Variants in WWOX observed in about 807,000 individuals in gnomAD.
WWOX encodes the protein WW domain containing oxidoreductase.
In WWOX, 69 loss-of-function variants were observed where a neutral mutation model predicts 46.2. The observed-to-expected ratio is 1.49, with a 90% CI of 1.23 to 1.82. The LOEUF is 1.82. Among genes scored for constraint, WWOX ranks in the 40% most tolerant of loss-of-function variants. The pLI is 0.00. For synonymous variants in WWOX, 359 were observed against 202.6 expected (o/e 1.77, Z -6.56); for missense variants, 919 against 542.6 (o/e 1.69, Z -6.89).
intron 8 of WWOX, among the ~76,000 whole-genome samples, chr16:78,585,835 T>C (rs573291279): frequency 1.3e-4 from 20 of 151,996 alleles, no homozygotes; most frequent in Admixed American, 7.2e-4. Context: ...GGCCTTTATA[T>C]TAGAACTCAC....
chr16:78,711,941 A>G (rs2048452941), intron 8 of WWOX, among the ~76,000 whole-genome samples: 1 of 152,202 alleles, frequency 6.6e-6, no homozygotes, highest in Admixed American at 6.5e-5. Flanking sequence ...AGGAAAGAGC[A>G]TCTCTTTCAG....
At chr16:78,756,770 G>C (rs1304093917) in intron 8 of WWOX, among the ~76,000 whole-genome samples, 1 of 152,116 alleles carries the variant, frequency 6.6e-6, no homozygotes. Flanking sequence ...GTGGCCTCTG[G>C]TGATTCTCAG....
At chr16:78,262,282 A>G (rs957527822) in intron 5 of WWOX, among the ~76,000 whole-genome samples, 1 of 151,158 alleles carries the variant, frequency 6.6e-6, no homozygotes, top group Non-Finnish European at 1.5e-5. Flanking sequence ...TCTCTGTTAG[A>G]TAGAGAGCAT....
Position 78,144,519 on chromosome 16 carries a change from ATATATTT to A in WWOX, c.410-19662_410-19656del, listed in dbSNP as rs1348381059. 1.0e-2 allele frequency among the ~76,000 whole-genome samples: 346 copies of A among 34,660 alleles called. 20 individuals are homozygous for A. Among genetic ancestry groups the A allele is most frequent in the African/African-American group, 0.026 (244 of 9,370 alleles). The allele number at this position is 34,660 out of a possible 152,430, so 22.7% of individuals were successfully genotyped here. On this transcript the variant is annotated intron_variant, in intron 4 of 8. Transcript: ENST00000566780. ...CACACACATATATATATATATATAT[ATATATTT>A]TTTTTTTTTTTTGGAGATGGAGTTT...
intron 8 of WWOX, among the ~76,000 whole-genome samples, chr16:78,669,139 A>G (rs771818392): frequency 1.3e-5 from 2 of 152,130 alleles, no homozygotes; most frequent in Non-Finnish European, 2.9e-5. Context: ...CATCTCCACC[A>G]CAAGGAAGCT....
intron 6 of WWOX, among the ~76,000 whole-genome samples, chr16:78,422,693 A>C: frequency 9.3e-6 from 1 of 107,440 alleles, no homozygotes; most frequent in Non-Finnish European, 1.9e-5. Context: ...ATACACACAC[A>C]CACACACATA....
At chr16:78,449,988 TTTG>T (rs1161582623) in intron 8 of WWOX, among the ~76,000 whole-genome samples, 1 of 151,874 alleles carries the variant, frequency 6.6e-6, no homozygotes, top group Non-Finnish European at 1.5e-5. Context: ...AATCCTAGGA[TTTG>T]TTGTTGTTTT....
chr16:78,520,950 G>T (rs558910797), intron 8 of WWOX, among the ~76,000 whole-genome samples: 52 of 152,208 alleles, frequency 3.4e-4, no homozygotes, highest in Middle Eastern at 3.4e-3. Flanking sequence ...GGCGTGCTGG[G>T]GTCAGGGGTG....
chr16:79,184,691 A>G (rs2050978753), intron 8 of WWOX, among the ~76,000 whole-genome samples: 1 of 152,242 alleles, frequency 6.6e-6, no homozygotes, highest in South Asian at 2.1e-4. Context: ...TCTGACCCTG[A>G]GAATTTTCCA....
rs1220795115 is a variant in WWOX at position 78,413,672 on chromosome 16, T to A, written c.606-11198T>A. 1.3e-5 allele frequency among the ~76,000 whole-genome samples: 2 copies of A among 151,856 alleles called. 1 individual carries two copies. The highest frequency in any genetic ancestry group is 4.8e-5 in the African/African-American group (2 of 41,390). ...GCATACGAGCAGGTCACTGGGGATA[T>A]GATGGCTTAGCCTGGGCTCAGAGGC... On this transcript the variant is annotated intron_variant, in intron 6 of 8. Coordinates refer to ENST00000566780, the MANE Select transcript of WWOX (RefSeq NM_016373.4).
At chr16:78,384,720 G>C (rs1331844310) in intron 5 of WWOX, among the ~76,000 whole-genome samples, 1 of 152,104 alleles carries the variant, frequency 6.6e-6, no homozygotes, top group Non-Finnish European at 1.5e-5. Context: ...GCACACTTTG[G>C]CATCTGCCAC....
At chr16:78,699,891 G>C (rs1048824349) in intron 8 of WWOX, among the ~76,000 whole-genome samples, 2 of 152,110 alleles carry the variant, frequency 1.3e-5, no homozygotes, top group African/African-American at 2.4e-5. Flanking sequence ...TTTTCATGGA[G>C]ACTGGCATTG....
At chr16:78,883,228 A>G (rs965883495) in intron 8 of WWOX, among the ~76,000 whole-genome samples, 1 of 152,136 alleles carries the variant, frequency 6.6e-6, no homozygotes, top group Non-Finnish European at 1.5e-5. Flanking sequence ...TCCCCTCTTA[A>G]GCTTTGTGAA....
chr16:79,006,995 C>G (rs967170563), intron 8 of WWOX, among the ~76,000 whole-genome samples: 2 of 152,124 alleles, frequency 1.3e-5, no homozygotes, highest in African/African-American at 4.8e-5. Context: ...TGTCGCGTAA[C>G]CTAACATATT....
chr16:78,647,931 T>A (rs941513908), intron 8 of WWOX, among the ~76,000 whole-genome samples: 1 of 152,242 alleles, frequency 6.6e-6, no homozygotes, highest in African/African-American at 2.4e-5. Flanking sequence ...ACATTAGTAA[T>A]CAACTTTGCC....
intron 8 of WWOX, among the ~76,000 whole-genome samples, chr16:78,920,948 G>A (rs1291899157): frequency 6.6e-6 from 1 of 152,090 alleles, no homozygotes; most frequent in Non-Finnish European, 1.5e-5. Context: ...CATAATATGT[G>A]GTACTTTTCT....
At chr16:79,184,463 C>G (rs1344092098) in intron 8 of WWOX, among the ~76,000 whole-genome samples, 1 of 152,184 alleles carries the variant, frequency 6.6e-6, no homozygotes, top group African/African-American at 2.4e-5. Context: ...TTGTATGTTT[C>G]TGTTGTCTTT....
At chr16:78,573,938 TA>T in intron 8 of WWOX, among the ~76,000 whole-genome samples, 1 of 152,376 alleles carries the variant, frequency 6.6e-6, no homozygotes, top group East Asian at 1.9e-4. Flanking sequence ...GTCCTCTGCC[TA>T]GGGTTTCACA....
At chr16:78,916,545 G>T (rs577907249) in intron 8 of WWOX, among the ~76,000 whole-genome samples, 218 of 152,232 alleles carry the variant, frequency 1.4e-3, no homozygotes, top group Admixed American at 2.7e-3. Context: ...CCATCCAATG[G>T]ATTTTGAATA....
Sources: gnomAD v4.1 joint callset for allele counts (sites outside exome capture counted in the v4.1 genomes callset) on GRCh38, gnomAD v4.1.1 for gene constraint, MANE v1.5 for transcripts, NCBI Gene and HGNC (gene_info 2026-07-23, HGNC 2026-07-21) for gene names.